SVOPL: variants seen among roughly 807,000 people sequenced by gnomAD.
SVOPL encodes the protein putative transporter SVOPL.
In SVOPL, 60 loss-of-function variants were observed where a neutral mutation model predicts 61.0. That is an observed-to-expected ratio of 0.98 (90% confidence interval 0.80 to 1.22). The LOEUF is 1.22. Ranked by LOEUF, SVOPL falls within the 50% of genes most tolerant of loss-of-function variation. SVOPL has a pLI of 0.00. For synonymous variants in SVOPL, 279 were observed against 250.0 expected (o/e 1.12, Z -1.09); for missense variants, 662 against 643.9 (o/e 1.03, Z -0.30).
rs565289755 is a variant in SVOPL at position 138,698,596 on chromosome 7, G to GA, written c.-35+2581dup. ...CTGCTCACCTCCAGACACCACGTAT[G>GA]AAGGAAAGAAATACACCTCTTAGAT... On this transcript the variant is annotated intron_variant, in intron 1 of 15. Coordinates refer to ENST00000674285, the MANE Select transcript of SVOPL (RefSeq NM_001139456.2). Among the ~76,000 whole-genome samples the GA allele has an allele frequency of 3.0e-3, 461 of 152,300 alleles. 4 individuals carry two copies. The highest frequency in any genetic ancestry group is 0.01 in the African/African-American group (421 of 41,566).
intron 14 of SVOPL, among the ~76,000 whole-genome samples, chr7:138,603,978 T>TC (rs1554451194): frequency 6.9e-5 from 10 of 143,974 alleles, no homozygotes; most frequent in East Asian, 2.0e-4. Context: ...TTTTTTTTTT[T>TC]CATTGAGACA....
chr7:138,600,325 C>G (rs912117385), intron 14 of SVOPL, among the ~76,000 whole-genome samples: 1 of 152,188 alleles, frequency 6.6e-6, no homozygotes, highest in South Asian at 2.1e-4. Context: ...TGGCCAGGCA[C>G]AGTGGCTCAC....
intron 8 of SVOPL, among the ~76,000 whole-genome samples, chr7:138,647,545 A>C (rs984402572): frequency 2.6e-5 from 4 of 151,198 alleles, no homozygotes; most frequent in Non-Finnish European, 5.9e-5. Flanking sequence ...ATACTGTTGA[A>C]ATCTATAAAG....
At chr7:138,598,108 C>T (rs1278891886) in intron 14 of SVOPL, among the ~76,000 whole-genome samples, 1 of 152,050 alleles carries the variant, frequency 6.6e-6, no homozygotes, top group Non-Finnish European at 1.5e-5. Context: ...CTGAGTAATA[C>T]CTGATTATAA....
At chr7:138,620,303 T>A (rs1288887762) in intron 14 of SVOPL, among the ~76,000 whole-genome samples, 4 of 151,008 alleles carry the variant, frequency 2.6e-5, no homozygotes, top group African/African-American at 9.7e-5. Context: ...GTATTTTTAG[T>A]AGAGATGGGG....
chr7:138,649,428 G>A (rs1012502749), intron 7 of SVOPL, among the ~76,000 whole-genome samples: 4 of 151,952 alleles, frequency 2.6e-5, no homozygotes, highest in African/African-American at 9.7e-5. Flanking sequence ...CGAGTAGCTG[G>A]GATTATAGGC....
intron 10 of SVOPL, 97 bp downstream of exon 10, chr7:138,629,952 T>A: frequency 1.1e-6 from 1 of 924,972 alleles, no homozygotes. Flanking sequence ...GTTAGTCTTA[T>A]GTTTTTCTCC....
intron 14 of SVOPL, among the ~76,000 whole-genome samples, chr7:138,609,590 T>G (rs1484043748): frequency 6.6e-6 from 1 of 151,910 alleles, no homozygotes; most frequent in African/African-American, 2.4e-5. Context: ...GCCCAGGAAG[T>G]TGAGGTGGCA....
chr7:138,610,660 T>G (rs924061152), intron 14 of SVOPL, among the ~76,000 whole-genome samples: 1 of 152,234 alleles, frequency 6.6e-6, no homozygotes, highest in African/African-American at 2.4e-5. Context: ...CCAGCTCCTA[T>G]GAGCCCTCTT....
intron 7 of SVOPL, among the ~76,000 whole-genome samples, chr7:138,654,779 C>T (rs77496845): frequency 0.024 from 3,714 of 151,836 alleles, 185 homozygotes; most frequent in East Asian, 0.22. Context: ...GGAGAATAGC[C>T]ATGAGTTTCA....
chr7:138,622,270 GTATCTATCTATCTA>G (rs1799694968), intron 13 of SVOPL, among the ~76,000 whole-genome samples: 3 of 83,798 alleles, frequency 3.6e-5, no homozygotes, highest in African/African-American at 1.3e-4. Flanking sequence ...ATCTATCTAT[GTATCTATCTATCTA>G]TCTATCTATC....
chr7:138,658,291 C>G (rs531110262), intron 6 of SVOPL, among the ~76,000 whole-genome samples: 27 of 152,236 alleles, frequency 1.8e-4, no homozygotes, highest in South Asian at 8.3e-4. Flanking sequence ...ATATTCCCCC[C>G]CCTCCCTTTT....
chr7:138,637,427 C>T (rs1222629126), intron 9 of SVOPL, among the ~76,000 whole-genome samples: 2 of 71,446 alleles, frequency 2.8e-5, no homozygotes, highest in Non-Finnish European at 5.6e-5. Flanking sequence ...GACTCCATCT[C>T]ATATATATAT....
intron 7 of SVOPL, among the ~76,000 whole-genome samples, chr7:138,651,828 AC>A (rs1801449710): frequency 6.6e-6 from 1 of 152,198 alleles, no homozygotes; most frequent in African/African-American, 2.4e-5. Context: ...CTCAGATACA[AC>A]AGTATTGAAA....
At chr7:138,662,782 TAGC>T in intron 5 of SVOPL, 1 of 1,207,738 alleles carries the variant, frequency 8.3e-7, no homozygotes, top group Non-Finnish European at 1.0e-6. Flanking sequence ...TAGAGCCACT[TAGC>T]GGCCTTCCTT....
intron 1 of SVOPL, among the ~76,000 whole-genome samples, chr7:138,696,895 C>A (rs987711702): frequency 6.6e-6 from 1 of 152,114 alleles, no homozygotes; most frequent in Non-Finnish European, 1.5e-5. Context: ...GTGCCACATG[C>A]CCCCACCTGC....
At chr7:138,674,445 C>G (rs990511294) in intron 3 of SVOPL, among the ~76,000 whole-genome samples, 1 of 151,894 alleles carries the variant, frequency 6.6e-6, no homozygotes, top group African/African-American at 2.4e-5. Context: ...TAAGACCAGT[C>G]GAAAGATTTG....
At chr7:138,661,294 C>G in intron 5 of SVOPL, 1 of 985,368 alleles carries the variant, frequency 1.0e-6, no homozygotes, top group Non-Finnish European at 1.2e-6. Flanking sequence ...TAGCTAGTTT[C>G]AAAGCTATAC....
chr7:138,644,956 T>C (rs974727935), intron 8 of SVOPL, 111 bp from the exon 9 acceptor site: 16 of 1,414,000 alleles, frequency 1.1e-5, no homozygotes, highest in South Asian at 1.0e-4. Context: ...AGGAAAAGTA[T>C]GTAACCAGCT....
Sources: gnomAD v4.1 joint callset for allele counts (sites outside exome capture counted in the v4.1 genomes callset) on GRCh38, gnomAD v4.1.1 for gene constraint, MANE v1.5 for transcripts, NCBI Gene and HGNC (gene_info 2026-07-23, HGNC 2026-07-21) for gene names.